The following BRSK1 variants were observed in gnomAD, a reference collection of about 807,000 sequenced individuals.
BRSK1 encodes the protein BR serine/threonine kinase 1, also known as serine/threonine-protein kinase BRSK1.
Under a neutral mutation model 86.2 loss-of-function variants are expected in BRSK1, and 17 were observed. The observed-to-expected ratio is 0.20, with a 90% CI of 0.14 to 0.30. The LOEUF is 0.30. Among genes scored for constraint, BRSK1 ranks in the 10% least tolerant of loss-of-function variants. The pLI is 1.00. For synonymous variants in BRSK1, 464 were observed against 440.1 expected, an observed-to-expected ratio of 1.05 and a Z score of -0.68; for missense variants, 719 against 1,071.9, an observed-to-expected ratio of 0.67 and a Z score of 4.60.
chr19:55,309,178 C>G (rs2088725434), intron 18 of BRSK1, among the ~76,000 whole-genome samples: 1 of 152,056 alleles, frequency 6.6e-6, no homozygotes, highest in African/African-American at 2.4e-5. Flanking sequence ...TGAGTCTAAA[C>G]CCAGGACAAA....
In BRSK1 at chr19:55,284,074, G is replaced by C; in HGVS notation, c.-369G>C. 9.9e-7 allele frequency: 1 copy of C among 1,007,972 alleles called. No individual in the cohort carries two copies. The highest frequency in any genetic ancestry group is 1.3e-6 in the Non-Finnish European group (1 of 784,080). The allele number at this position is 1,007,972 out of a possible 1,614,324, so 62.4% of individuals were successfully genotyped here. ...GGAGAGGAGGAGGAGGCGGAGGAGA[G>C]AGGGCGCGTGGGGGGGCGGGGGGGA... is the stretch of plus-strand genomic sequence containing the variant. On this transcript the variant is annotated 5_prime_UTR_variant, in exon 1 of 19. Transcript: ENST00000309383.
In BRSK1 at chr19:55,311,934, C is replaced by A. The variant is rs540907240; in HGVS notation, c.2203C>A (p.Arg735=). Residue 735 remains arginine, a synonymous_variant, in exon 19 of 19, where the codon CGG becomes AGG. Transcript: ENST00000309383. ...AGACGAGAAGAACGGGGCCCAGACC[C>A]GGCCTGCTGGTGCCCCACCCCGAAG... ...LADEKNGAQT[R]PAGAPPRSLQ... is the part of the protein sequence containing the mutation. 3.7e-6 allele frequency: 6 copies of A among 1,611,438 alleles called. No individual in the cohort carries two copies. The highest frequency in any genetic ancestry group is 2.7e-5 in the African/African-American group (2 of 74,856).
rs114830721 is a variant in BRSK1 at position 55,289,172 on chromosome 19, C to T, written c.318-308C>T. 7.6e-3 allele frequency among the ~76,000 whole-genome samples: 1,150 copies of T among 152,226 alleles called. 21 individuals carry two copies. The highest frequency in any genetic ancestry group is 0.026 in the African/African-American group (1,091 of 41,540). On this transcript the variant is annotated intron_variant, in intron 3 of 18. Transcript: ENST00000309383. Reference sequence around the variant, plus strand: ...ATTATGAGTCAAAGTGTTGGTTCCCCTCTGAAGCTGACATGGGAGGCTCTA... The same window carrying T: ...ATTATGAGTCAAAGTGTTGGTTCCCTTCTGAAGCTGACATGGGAGGCTCTA...
intron 7 of BRSK1, 80 bp from the exon 8 acceptor site, chr19:55,301,432 A>G: frequency 6.6e-7 from 1 of 1,515,888 alleles, no homozygotes; most frequent in Non-Finnish European, 8.9e-7. Flanking sequence ...TAAGGTGGAG[A>G]TCACCGTAGT....
intron 4 of BRSK1, among the ~76,000 whole-genome samples, chr19:55,289,852 C>T (rs2088377976): frequency 6.6e-6 from 1 of 152,198 alleles, no homozygotes; most frequent in Non-Finnish European, 1.5e-5. Context: ...AACATTTTCT[C>T]ACCCTGTACC....
In BRSK1 at chr19:55,297,615, G is replaced by A. The variant is rs75987748; in HGVS notation, c.678+3218G>A. Among the ~76,000 whole-genome samples, 1,003 of 151,772 alleles carry A rather than the reference G, an allele frequency of 6.6e-3. 9 individuals carry two copies. Among genetic ancestry groups the A allele is most frequent in the African/African-American group, 0.022 (931 of 41,400 alleles). ...AGAGCAGCCGAGGTGCTCTGGAGAC[G>A]AGCTAAGAATGTTCAGAACTCAGCC... On this transcript the variant is annotated intron_variant, in intron 7 of 18. Coordinates refer to ENST00000309383, the MANE Select transcript of BRSK1 (RefSeq NM_032430.2).
At chr19:55,309,768 A>G (rs1271272614) in intron 18 of BRSK1, among the ~76,000 whole-genome samples, 2 of 152,238 alleles carry the variant, frequency 1.3e-5, no homozygotes, top group East Asian at 3.8e-4. Flanking sequence ...GCACTCGCCC[A>G]AGCAACCAGA....
At position 55,303,470 on chromosome 19, in the gene BRSK1, G is replaced by T; in HGVS notation, c.1126+62G>T. On this transcript the variant is annotated intron_variant, in intron 11 of 18. Transcript: ENST00000309383. The surrounding 1 kb of genome is among the most constrained non-coding windows in gnomAD (Gnocchi z 5.1). ...CTCGAGATTGGAAGAGGCTGGCCACGGGGACCCCAGATTCCCAAGGAAAGA... is the reference window on the plus strand; with the variant it reads ...CTCGAGATTGGAAGAGGCTGGCCACTGGGACCCCAGATTCCCAAGGAAAGA... 6.4e-7 allele frequency: 1 copy of T among 1,552,534 alleles called. No individual in the cohort carries two copies. The highest frequency in any genetic ancestry group is 8.9e-7 in the Non-Finnish European group (1 of 1,125,748).
rs2088278522 is a variant in BRSK1, at chr19:55,284,483, C to T, written c.41C>T (p.Ala14Val). ...GAKEGGGGSP[A>V]YHLPHPHPHP... ...AAGGAGGGAGGTGGGGGCTCTCCCG[C>T]CTACCACCTCCCCCACCCCCACCCC... The change falls in exon 1 of 19, where the codon GCC becomes GTC. Residue 14 changes from alanine to valine, a missense_variant. This residue lies in a region of BRSK1 where 71 missense variants were observed against 92.6 expected (regional missense o/e 0.77). Coordinates refer to ENST00000309383, the MANE Select transcript of BRSK1 (RefSeq NM_032430.2). 1 of 1,294,108 alleles carries T rather than the reference C, an allele frequency of 7.7e-7. No homozygotes were observed. The highest frequency in any genetic ancestry group is 1.0e-6 in the Non-Finnish European group (1 of 984,520). 80.2% of individuals were successfully genotyped at this position (1,294,108 alleles called of 1,614,324 possible).
chr19:55,284,725 G>A, intron 1 of BRSK1, 147 bp downstream of exon 1: 4 of 668,834 alleles, frequency 6.0e-6, no homozygotes, highest in East Asian at 3.5e-5. Flanking sequence ...CAGACTCCTG[G>A]GTCCCTGGAT....
At chr19:55,299,037 G>C (rs1820898381) in intron 7 of BRSK1, among the ~76,000 whole-genome samples, 1 of 152,110 alleles carries the variant, frequency 6.6e-6, no homozygotes, top group African/African-American at 2.4e-5. Flanking sequence ...TTCGAGACCA[G>C]CCTGGCCAAT....
chr19:55,305,622 G>A lies in BRSK1; in HGVS notation c.1890+36G>A, dbSNP rs769883548. 4.3e-6 allele frequency: 7 copies of A among 1,612,816 alleles called. No homozygotes were observed. The East Asian group carries it at 1.1e-4, about 26-fold the overall frequency. Reference sequence around the variant, plus strand: ...TGGGTCCCCATCGAGCCTGGCCCCCGCAGAACTACAAGTCCCAGCAGCCCC... The same window carrying A: ...TGGGTCCCCATCGAGCCTGGCCCCCACAGAACTACAAGTCCCAGCAGCCCC... On this transcript the variant is annotated intron_variant, in intron 16 of 18. Coordinates refer to ENST00000309383, the MANE Select transcript of BRSK1 (RefSeq NM_032430.2).
intron 18 of BRSK1, among the ~76,000 whole-genome samples, chr19:55,309,732 G>A (rs1418950244): frequency 6.6e-6 from 1 of 152,202 alleles, no homozygotes; most frequent in Non-Finnish European, 1.5e-5. Context: ...TTGGGAGGAT[G>A]CAGTGTTCAG....
intron 3 of BRSK1, 90 bp from the exon 4 acceptor site, chr19:55,289,390 C>T (rs1234141871): frequency 6.8e-7 from 1 of 1,469,126 alleles, no homozygotes; most frequent in Non-Finnish European, 9.2e-7. Flanking sequence ...TTGGAGTTCT[C>T]TGCCACCAGG....
chr19:55,299,146 G>A (rs887996266), intron 7 of BRSK1, among the ~76,000 whole-genome samples: 5 of 151,980 alleles, frequency 3.3e-5, no homozygotes, highest in Admixed American at 6.6e-5. Context: ...GCTAGACTCC[G>A]TCTCAATAAA....
chr19:55,303,673 C>G lies in BRSK1; in HGVS notation c.1133C>G (p.Pro378Arg). 1.2e-6 allele frequency: 2 copies of G among 1,602,262 alleles called. No individual in the cohort carries two copies. Among genetic ancestry groups the G allele is most frequent in the Non-Finnish European group, 1.7e-6 (2 of 1,173,664 alleles). Residue 378 changes from proline (P) to arginine (R), a missense_variant, in exon 12 of 19, where the codon CCC becomes CGC. By Grantham distance (103) the Pro-to-Arg change is moderately radical. Coordinates refer to ENST00000309383, the MANE Select transcript of BRSK1 (RefSeq NM_032430.2). This position sits in a 1 kb window ranked among gnomAD's most constrained non-coding sequence, Gnocchi z 5.1. ...DLPPRNDVDP[P>R]RKRVDSPMLS... Reference sequence around the variant, plus strand: ...TGAAACTGTTGTCCCTCAGACCCCCCCCGGAAGCGTGTGGATTCTCCCATG... The same window carrying G: ...TGAAACTGTTGTCCCTCAGACCCCCGCCGGAAGCGTGTGGATTCTCCCATG...
chr19:55,303,568 C>G lies in BRSK1; in HGVS notation c.1127-99C>G. The stretch of plus-strand genomic sequence containing the variant: ...CTTTGACATTTATCAAATCCCCTCT[C>G]CACTCTAGGCCTGTTTCCCCATGTG... On this transcript the variant is annotated intron_variant, in intron 11 of 18. Coordinates refer to ENST00000309383, the MANE Select transcript of BRSK1 (RefSeq NM_032430.2). This position sits in a 1 kb window ranked among gnomAD's most constrained non-coding sequence, Gnocchi z 5.1. 6.7e-7 allele frequency: 1 copy of G among 1,503,030 alleles called. No individual in the cohort carries two copies. The highest frequency in any genetic ancestry group is 9.1e-7 in the Non-Finnish European group (1 of 1,103,212). 93.1% of individuals were successfully genotyped at this position (1,503,030 alleles called of 1,614,324 possible).
At chr19:55,285,202 G>A (rs1232753285) in intron 1 of BRSK1, among the ~76,000 whole-genome samples, 1 of 151,008 alleles carries the variant, frequency 6.6e-6, no homozygotes, top group East Asian at 2.0e-4. Context: ...TGGACTCCTG[G>A]GTCTGAGGGA....
chr19:55,305,412 C>A (rs2088635011), intron 15 of BRSK1, 43 bp downstream of exon 15: 42 of 1,614,118 alleles, frequency 2.6e-5, no homozygotes, highest in Non-Finnish European at 3.6e-5. Context: ...GCAGGGGATT[C>A]ATGCCCTCGG....
Sources: gnomAD v4.1 joint callset for allele counts (sites outside exome capture counted in the v4.1 genomes callset) on GRCh38, gnomAD v4.1.1 for gene constraint, gnomAD v4.1.1 regional missense constraint, Gnocchi (gnomAD v3.1) non-coding constraint, MANE v1.5 for transcripts, NCBI Gene and HGNC (gene_info 2026-07-23, HGNC 2026-07-21) for gene names.